The following HEXD variants were observed in gnomAD, a reference collection of about 807,000 sequenced individuals.
HEXD encodes the protein hexosaminidase D, also known as N-acetyl-beta-galactosaminidase.
In HEXD, 47 loss-of-function variants were observed where a neutral mutation model predicts 54.2. That is an observed-to-expected ratio of 0.87 (90% confidence interval 0.69 to 1.11). The LOEUF (loss-of-function observed/expected upper bound fraction) is 1.11. HEXD is among the 50% of genes least tolerant of loss of function. The pLI is 0.00. For synonymous variants in HEXD, 293 were observed against 287.6 expected (o/e 1.02, Z -0.19); for missense variants, 576 against 649.2 (o/e 0.89, Z 1.23).
intron 9 of HEXD, chr17:82,440,257 A>C (rs954775910): frequency 3.9e-6 from 5 of 1,287,724 alleles, no homozygotes; most frequent in Admixed American, 2.3e-5. Context: ...CGTGGTGCTG[A>C]TGCAGAAAGA....
intron 9 of HEXD, chr17:82,439,983 C>G: frequency 6.9e-7 from 1 of 1,452,298 alleles, no homozygotes; most frequent in Non-Finnish European, 9.2e-7. Flanking sequence ...CGCAGAAATG[C>G]ACGCAGGTCG....
chr17:82,430,966 G>T (rs1396762296), intron 4 of HEXD, among the ~76,000 whole-genome samples: 1 of 151,850 alleles, frequency 6.6e-6, no homozygotes, highest in Non-Finnish European at 1.5e-5. Context: ...TTTTTAGTTT[G>T]GTATTTTTAT....
At chr17:82,431,542 G>A (rs753365279) in intron 4 of HEXD, among the ~76,000 whole-genome samples, 1 of 151,648 alleles carries the variant, frequency 6.6e-6, no homozygotes, top group Non-Finnish European at 1.5e-5. Flanking sequence ...AGCCTCCCGA[G>A]TAGCTGGGAT....
At chr17:82,420,817 C>G (rs1172551724) in intron 2 of HEXD, among the ~76,000 whole-genome samples, 3 of 152,196 alleles carry the variant, frequency 2.0e-5, no homozygotes, top group Non-Finnish European at 2.9e-5. Flanking sequence ...CCACCCGCCT[C>G]AGCCTCCCAA....
intron 3 of HEXD, 144 bp from the exon 4 acceptor site, chr17:82,428,414 G>T: frequency 1.6e-6 from 1 of 611,072 alleles, no homozygotes; most frequent in East Asian, 2.8e-5. Context: ...CAGAAATCAG[G>T]ATACCTGTCA....
rs1209542399 is a variant in HEXD, at chr17:82,435,829, G to A, written c.588G>A (p.Val196=). ...KARRPSVTPL[V]WDDMLRDLPE... The stretch of plus-strand genomic sequence containing the variant: ...GGCGCCCCAGCGTGACACCCCTGGT[G>A]TGGGACGACATGCTCCGAGACCTGC... The change falls in exon 6 of 13, where the codon GTG becomes GTA. Residue 196 remains valine (V), a synonymous_variant. Coordinates refer to ENST00000327949, the MANE Select transcript of HEXD (RefSeq NM_001330542.2). 2 of 1,612,164 alleles carry A rather than the reference G, an allele frequency of 1.2e-6. No individual in the cohort carries two copies. Among genetic ancestry groups the A allele is most frequent in the East Asian group, 2.2e-5 (1 of 44,880 alleles).
At position 82,418,525 on chromosome 17, in the gene HEXD, C is replaced by G. The variant is rs1445838954; in HGVS notation, c.-267C>G. 1 of 1,233,638 alleles carries G rather than the reference C, an allele frequency of 8.1e-7. No homozygotes were observed. The highest frequency in any genetic ancestry group is 1.0e-6 in the Non-Finnish European group (1 of 962,794). 76.4% of individuals were successfully genotyped at this position (1,233,638 alleles called of 1,614,324 possible). ...GCGGAGCCGGGCCGGACGCGGGCGC[C>G]AGGCCCGGGGACGAACGCCGTAACA... is the stretch of plus-strand genomic sequence containing the variant. On this transcript the variant is annotated 5_prime_UTR_variant, in exon 1 of 13. Coordinates refer to ENST00000327949, the MANE Select transcript of HEXD (RefSeq NM_001330542.2).
chr17:82,440,462 G>A (rs989877891), intron 9 of HEXD: 30 of 558,766 alleles, frequency 5.4e-5, no homozygotes, highest in Non-Finnish European at 6.4e-5. Flanking sequence ...TAATATTGAC[G>A]GTATTTGCAG....
intron 8 of HEXD, among the ~76,000 whole-genome samples, chr17:82,438,320 G>C (rs1200387450): frequency 1.3e-5 from 2 of 152,184 alleles, no homozygotes; most frequent in African/African-American, 2.4e-5. Flanking sequence ...GCCTAACTCT[G>C]GTGACCTAGA....
chr17:82,433,107 T>C (rs1171915714), intron 4 of HEXD, among the ~76,000 whole-genome samples: 4 of 12,178 alleles, frequency 3.3e-4, no homozygotes, highest in African/African-American at 2.9e-3. Context: ...TATATATATA[T>C]ATATATATAT....
intron 2 of HEXD, among the ~76,000 whole-genome samples, chr17:82,421,524 G>A (rs1408759931): frequency 6.6e-6 from 1 of 152,182 alleles, no homozygotes; most frequent in Non-Finnish European, 1.5e-5. Flanking sequence ...ACAAGAGCCT[G>A]TTCTTAAAAA....
chr17:82,431,317 A>AT (rs1445279532), intron 4 of HEXD, among the ~76,000 whole-genome samples: 7 of 151,104 alleles, frequency 4.6e-5, no homozygotes, highest in Admixed American at 4.6e-4. Flanking sequence ...TTTTGAGTTA[A>AT]TTTTTTTTGT....
chr17:82,429,851 C>T (rs933948476), intron 4 of HEXD, among the ~76,000 whole-genome samples: 4 of 152,168 alleles, frequency 2.6e-5, no homozygotes, highest in Non-Finnish European at 5.9e-5. Flanking sequence ...CTTTGTCCTC[C>T]TCTTCGTCTT....
rs557124355 is a variant in HEXD, at chr17:82,421,984, G to A, written c.84+2101G>A. On this transcript the variant is annotated intron_variant, in intron 2 of 12. Coordinates refer to ENST00000327949, the MANE Select transcript of HEXD (RefSeq NM_001330542.2). Reference sequence around the variant, plus strand: ...AAGGTCAGGAGATGAAGACCATCCTGGCCAACACAGTGTCTCTACTAAAAA... The same window carrying A: ...AAGGTCAGGAGATGAAGACCATCCTAGCCAACACAGTGTCTCTACTAAAAA... 1.1e-4 allele frequency among the ~76,000 whole-genome samples: 16 copies of A among 151,968 alleles called. No individual in the cohort carries two copies. In the East Asian group the frequency reaches 3.1e-3, roughly 29 times the overall value.
At position 82,442,101 on chromosome 17, in the gene HEXD, A is replaced by G; in HGVS notation, c.1254-76A>G. 1 of 1,512,826 alleles carries G rather than the reference A, an allele frequency of 6.6e-7. No individual in the cohort carries two copies. Among genetic ancestry groups the G allele is most frequent in the Non-Finnish European group, 8.9e-7 (1 of 1,118,068 alleles). 93.7% of individuals were successfully genotyped at this position (1,512,826 alleles called of 1,614,324 possible). ...CCATTTCACAGGTGAACTGAGGCAC[A>G]GGGCAGTACTGACCATGGGGCTGAG... On this transcript the variant is annotated intron_variant, in intron 12 of 12. Coordinates refer to ENST00000327949, the MANE Select transcript of HEXD (RefSeq NM_001330542.2). The surrounding 1 kb of genome is among the most constrained non-coding windows in gnomAD (Gnocchi z 6.8).
At chr17:82,427,591 A>G (rs1298868781) in intron 3 of HEXD, among the ~76,000 whole-genome samples, 1 of 152,100 alleles carries the variant, frequency 6.6e-6, no homozygotes, top group Non-Finnish European at 1.5e-5. Flanking sequence ...AGGGGTTTGC[A>G]TTTTCTTCAT....
rs190275983 is a variant in HEXD at position 82,424,631 on chromosome 17, A to G, written c.194+128A>G. On this transcript the variant is annotated intron_variant, in intron 3 of 12. Coordinates refer to ENST00000327949, the MANE Select transcript of HEXD (RefSeq NM_001330542.2). ...TCAGGAACTGAACAGTGGTGGGTACATTCCTTTTTTGTCTTTTTAAATTCA... is the reference window on the plus strand; with the variant it reads ...TCAGGAACTGAACAGTGGTGGGTACGTTCCTTTTTTGTCTTTTTAAATTCA... 3.2e-3 allele frequency: 1,950 copies of G among 600,946 alleles called. 11 individuals are homozygous for G. The highest frequency in any genetic ancestry group is 0.014 in the African/African-American group (755 of 53,464). The allele number at this position is 600,946 out of a possible 1,614,324, so 37.2% of individuals were successfully genotyped here.
rs761937464 is a variant in HEXD, at chr17:82,442,316, C to G, written c.1393C>G (p.Leu465Val). The change falls in exon 13 of 13, where the codon CTC (leucine) becomes GTC (valine). Residue 465 changes from leucine to valine, a missense_variant. Leu to Val is a conservative substitution (Grantham distance 32). Transcript: ENST00000327949. This position sits in a 1 kb window ranked among gnomAD's most constrained non-coding sequence, Gnocchi z 6.8. ...GCGGCTGCAAGCTCTGCTGCAGGAC[C>G]TCAGCGAGGTGTCTGCCCCCCCGCT... Reference protein sequence around the residue: ...LQRLQALLQDLSEVSAPPLPP... With the variant: ...LQRLQALLQDVSEVSAPPLPP... 1 of 1,610,162 alleles carries G rather than the reference C, an allele frequency of 6.2e-7. No homozygotes were observed.
chr17:82,429,019 G>A (rs965126242), intron 4 of HEXD, among the ~76,000 whole-genome samples: 4 of 152,150 alleles, frequency 2.6e-5, no homozygotes, highest in Non-Finnish European at 2.9e-5. Context: ...CAGCACTTTG[G>A]GAGGCCGAGG....
Sources: allele counts gnomAD v4.1 joint callset (sites outside exome capture counted in the v4.1 genomes callset), GRCh38; gene constraint gnomAD v4.1.1; non-coding constraint Gnocchi (gnomAD v3.1); transcripts MANE v1.5; gene names NCBI Gene and HGNC (gene_info 2026-07-23, HGNC 2026-07-21).